The following SYT1 variants were observed in gnomAD, a reference collection of about 807,000 sequenced individuals.
SYT1 encodes the protein synaptotagmin 1.
SYT1 carries 8 observed loss-of-function variants against 44.8 expected under a neutral mutation model. The ratio of observed to expected loss-of-function variants is 0.18; its 90% CI spans 0.10 to 0.32. SYT1 has a LOEUF of 0.32. Among genes scored for constraint, SYT1 ranks in the 10% least tolerant of loss-of-function variants. The probability of loss-of-function intolerance (pLI) is 1.00; values close to 1 mark genes in which losing one functional copy is unlikely to be tolerated. For missense variants in SYT1, 286 were observed against 509.3 expected, an observed-to-expected ratio of 0.56 and a Z score of 4.22; for synonymous variants, 154 against 188.8, an observed-to-expected ratio of 0.82 and a Z score of 1.51.
At chr12:79,118,054 C>T (rs766300655) in intron 3 of SYT1, among the ~76,000 whole-genome samples, 2 of 152,082 alleles carry the variant, frequency 1.3e-5, no homozygotes, top group Admixed American at 1.3e-4. Flanking sequence ...TCCTTTTGAC[C>T]TCCCTGCTCT....
At chr12:79,191,034 G>A (rs1295355003) in intron 3 of SYT1, among the ~76,000 whole-genome samples, 2 of 151,622 alleles carry the variant, frequency 1.3e-5, no homozygotes, top group African/African-American at 4.8e-5. Flanking sequence ...AGGATTAGAG[G>A]TTTAGATGCT....
intron 9 of SYT1, among the ~76,000 whole-genome samples, chr12:79,421,992 G>A (rs1869150868): frequency 6.6e-6 from 1 of 151,856 alleles, no homozygotes; most frequent in African/African-American, 2.4e-5. Context: ...CTCATGTTAA[G>A]TGCTTTTGAA....
At chr12:79,214,869 G>A (rs1874681351) in intron 3 of SYT1, among the ~76,000 whole-genome samples, 1 of 152,050 alleles carries the variant, frequency 6.6e-6, no homozygotes, top group Admixed American at 6.6e-5. Context: ...AATAATGTGT[G>A]TCACATCTGG....
intron 9 of SYT1, chr12:79,392,268 T>A (rs1278620647): frequency 2.0e-5 from 3 of 152,226 alleles, no homozygotes; most frequent in African/African-American, 7.2e-5. Flanking sequence ...TTAAAAAGTT[T>A]TTATTTTCTA....
intron 3 of SYT1, among the ~76,000 whole-genome samples, chr12:79,059,266 A>T (rs1850495371): frequency 6.6e-6 from 1 of 152,148 alleles, no homozygotes; most frequent in Admixed American, 6.6e-5. Context: ...TGGGAGCTAC[A>T]ATTCAAGATG....
intron 9 of SYT1, among the ~76,000 whole-genome samples, chr12:79,395,865 T>C (rs888719602): frequency 6.6e-6 from 1 of 152,174 alleles, no homozygotes; most frequent in African/African-American, 2.4e-5. Flanking sequence ...TAAAATAACA[T>C]ACTCAGTAAA....
intron 2 of SYT1, among the ~76,000 whole-genome samples, chr12:78,995,498 A>G (rs977229139): frequency 6.6e-6 from 1 of 152,222 alleles, no homozygotes; most frequent in African/African-American, 2.4e-5. Context: ...AGTAATTAAC[A>G]TCTTTGTAAA....
chr12:79,206,097 A>G (rs901823408), intron 3 of SYT1, among the ~76,000 whole-genome samples: 2 of 152,210 alleles, frequency 1.3e-5, no homozygotes, highest in Non-Finnish European at 2.9e-5. Context: ...GATTATTTAG[A>G]CTTATTTAGA....
chr12:78,886,066 C>A (rs1874732164), intron 1 of SYT1, among the ~76,000 whole-genome samples: 1 of 151,884 alleles, frequency 6.6e-6, no homozygotes, highest in South Asian at 2.1e-4. Context: ...TATCATAACA[C>A]TAATTTTTTT....
chr12:79,412,397 G>A (rs923287128), intron 9 of SYT1, among the ~76,000 whole-genome samples: 4 of 152,034 alleles, frequency 2.6e-5, no homozygotes, highest in African/African-American at 7.2e-5. Flanking sequence ...CAGCCCATTC[G>A]CCCAACTCCT....
intron 4 of SYT1, among the ~76,000 whole-genome samples, chr12:79,224,871 C>G (rs913426155): frequency 2.0e-5 from 3 of 151,404 alleles, no homozygotes; most frequent in Admixed American, 6.6e-5. Flanking sequence ...CCTCCATCTC[C>G]TGGGTTCAAG....
intron 9 of SYT1, among the ~76,000 whole-genome samples, chr12:79,380,114 T>G (rs1884155627): frequency 6.6e-6 from 1 of 152,222 alleles, no homozygotes; most frequent in East Asian, 1.9e-4. Flanking sequence ...CTTTTGAAGA[T>G]TAACCAGAGA....
At chr12:78,944,810 C>G (rs756031402) in intron 1 of SYT1, among the ~76,000 whole-genome samples, 2 of 152,088 alleles carry the variant, frequency 1.3e-5, no homozygotes, top group Non-Finnish European at 2.9e-5. Context: ...TTAATCAACA[C>G]ACACACACAC....
At chr12:79,324,835 A>C (rs900968029) in intron 8 of SYT1, among the ~76,000 whole-genome samples, 2 of 152,226 alleles carry the variant, frequency 1.3e-5, no homozygotes, top group African/African-American at 2.4e-5. Context: ...AAAAATAAAT[A>C]CATAAAGACT....
chr12:79,339,912 A>G (rs1307029417), intron 8 of SYT1, among the ~76,000 whole-genome samples: 1 of 152,168 alleles, frequency 6.6e-6, no homozygotes, highest in Non-Finnish European at 1.5e-5. Flanking sequence ...TCCCAGCACC[A>G]TTTGTTAAAT....
chr12:78,941,104 C>T (rs11111982), intron 1 of SYT1, among the ~76,000 whole-genome samples: 3 of 115,120 alleles, frequency 2.6e-5, no homozygotes, highest in African/African-American at 6.8e-5. Flanking sequence ...CTCGCTCTGT[C>T]GCCCAGGTGG....
chr12:79,317,598 T>G (rs534526281), intron 8 of SYT1, among the ~76,000 whole-genome samples: 2 of 152,256 alleles, frequency 1.3e-5, no homozygotes, highest in Non-Finnish European at 2.9e-5. Context: ...TCAAGCTATC[T>G]ACTCACAACT....
At chr12:79,244,867 A>C (rs919461730) in intron 4 of SYT1, among the ~76,000 whole-genome samples, 2 of 152,102 alleles carry the variant, frequency 1.3e-5, no homozygotes, top group African/African-American at 4.8e-5. Flanking sequence ...TTCTATCTTT[A>C]GTTTCTTTTT....
At chr12:78,904,490 G>A (rs987221613) in intron 1 of SYT1, among the ~76,000 whole-genome samples, 10 of 152,010 alleles carry the variant, frequency 6.6e-5, no homozygotes, top group Non-Finnish European at 1.5e-4. Flanking sequence ...ACCAGTTTTC[G>A]AGTATCTCGA....
Sources: gnomAD v4.1 joint callset for allele counts (sites outside exome capture counted in the v4.1 genomes callset) on GRCh38, gnomAD v4.1.1 for gene constraint, MANE v1.5 for transcripts, NCBI Gene and HGNC (gene_info 2026-07-23, HGNC 2026-07-21) for gene names.